PDE7B: variants seen among roughly 807,000 people sequenced by gnomAD.
PDE7B encodes 3',5'-cyclic-AMP phosphodiesterase 7B.
In PDE7B, 29 loss-of-function variants were observed where a neutral mutation model predicts 56.2. That is an observed-to-expected ratio of 0.52 (90% CI 0.38 to 0.70). The LOEUF is 0.70. Ranked by LOEUF, PDE7B falls within the 30% of genes least tolerant of loss-of-function variation. The pLI is 0.00. For missense variants in PDE7B, 490 were observed against 565.0 expected, an observed-to-expected ratio of 0.87 and a Z score of 1.35; for synonymous variants, 197 against 196.9, an observed-to-expected ratio of 1.00 and a Z score of 0.00.
Position 135,948,272 on chromosome 6 carries a change from G to A in PDE7B, c.82+748G>A, listed in dbSNP as rs1390845274. On this transcript the variant is annotated intron_variant, in intron 2 of 12. Coordinates refer to ENST00000308191, the MANE Select transcript of PDE7B (RefSeq NM_018945.4). Reference sequence around the variant, plus strand: ...CCACTAAACTATGTCCAATAAAGTTGCAATTCATTATAGTAATAGAAGTAA... The same window carrying A: ...CCACTAAACTATGTCCAATAAAGTTACAATTCATTATAGTAATAGAAGTAA... Among the ~76,000 whole-genome samples the A allele has an allele frequency of 7.2e-5, 11 of 152,020 alleles. No individual in the cohort carries two copies. The East Asian group carries it at 1.9e-3, about 27-fold the overall frequency.
At chr6:136,163,423 G>A (rs1025021361) in intron 8 of PDE7B, among the ~76,000 whole-genome samples, 1 of 152,216 alleles carries the variant, frequency 6.6e-6, no homozygotes, top group Non-Finnish European at 1.5e-5. Context: ...TCCCAAGGCT[G>A]CACAGAGCTG....
intron 3 of PDE7B, among the ~76,000 whole-genome samples, chr6:136,140,308 C>T (rs1186779276): frequency 6.6e-6 from 1 of 152,140 alleles, no homozygotes; most frequent in African/African-American, 2.4e-5. Flanking sequence ...TCTGAGGGCT[C>T]TGTTCTGTTC....
chr6:135,898,793 G>T (rs1775946191), intron 1 of PDE7B, among the ~76,000 whole-genome samples: 1 of 152,076 alleles, frequency 6.6e-6, no homozygotes, highest in Non-Finnish European at 1.5e-5. Flanking sequence ...GATAAATTTA[G>T]GGACAAATTA....
chr6:135,973,574 T>C (rs535158511), intron 2 of PDE7B, among the ~76,000 whole-genome samples: 142 of 152,302 alleles, frequency 9.3e-4, no homozygotes, highest in African/African-American at 3.3e-3. Flanking sequence ...CACCTCACCA[T>C]TGTGCCTTCC....
chr6:135,935,190 T>TTTTATATATATA (rs1436649469), intron 1 of PDE7B, among the ~76,000 whole-genome samples: 8 of 36,186 alleles, frequency 2.2e-4, no homozygotes, highest in South Asian at 1.0e-3. Flanking sequence ...ATATATTTAT[T>TTTTATATATATA]TATATATATA....
At chr6:135,869,530 T>C (rs1250075450) in intron 1 of PDE7B, among the ~76,000 whole-genome samples, 1 of 152,110 alleles carries the variant, frequency 6.6e-6, no homozygotes, top group African/African-American at 2.4e-5. Flanking sequence ...GTCTAGGGAC[T>C]GGAAATAAGT....
intron 2 of PDE7B, among the ~76,000 whole-genome samples, chr6:136,031,810 A>G (rs1204535532): frequency 6.6e-6 from 1 of 151,156 alleles, no homozygotes; most frequent in East Asian, 1.9e-4. Context: ...TGTCATTTAT[A>G]TAAAAAATCT....
chr6:136,067,006 C>T (rs915196258), intron 2 of PDE7B, among the ~76,000 whole-genome samples: 2 of 152,048 alleles, frequency 1.3e-5, no homozygotes, highest in Non-Finnish European at 2.9e-5. Flanking sequence ...CAGGTGTATG[C>T]GACCACACCC....
In PDE7B at chr6:136,191,037, T is replaced by TTTTTTTTTTA. The variant is rs1471563191; in HGVS notation, c.1127-577_1127-576insTTTTTTTTTA. Among the ~76,000 whole-genome samples, 62 of 143,178 alleles carry TTTTTTTTTTA rather than the reference T, an allele frequency of 4.3e-4. 1 individual carries two copies. Among genetic ancestry groups the TTTTTTTTTTA allele is most frequent in the African/African-American group, 1.7e-3 (59 of 34,842 alleles). 93.9% of individuals were successfully genotyped at this position (143,178 alleles called of 152,430 possible). A position where few individuals can be genotyped will look rare whatever the true frequency, so the allele number is the denominator to read the frequency against. Reference sequence around the variant, plus strand: ...ACTTTTTTTTTTTTTTTTTTTTTTTTACTTATATGTCTTTCTCCCTCTGCA... The same window carrying TTTTTTTTTTA: ...ACTTTTTTTTTTTTTTTTTTTTTTTTTTTTTTTTTAACTTATATGTCTTTCTCCCTCTGCA... On this transcript the variant is annotated intron_variant, in intron 12 of 12. Transcript: ENST00000308191.
chr6:135,859,971 T>C (rs928152616), intron 1 of PDE7B, among the ~76,000 whole-genome samples: 2 of 152,046 alleles, frequency 1.3e-5, no homozygotes, highest in Non-Finnish European at 2.9e-5. Flanking sequence ...ATTGAACTTG[T>C]AACCTAAAGC....
intron 2 of PDE7B, among the ~76,000 whole-genome samples, chr6:136,091,045 T>G (rs1188053235): frequency 6.6e-6 from 1 of 152,224 alleles, no homozygotes; most frequent in African/African-American, 2.4e-5. Flanking sequence ...AATATTTGCT[T>G]TCTGCCCTAT....
chr6:135,967,881 C>G (rs921500883), intron 2 of PDE7B, among the ~76,000 whole-genome samples: 4 of 152,292 alleles, frequency 2.6e-5, no homozygotes, highest in Admixed American at 6.5e-5. Context: ...GAAGGCCAAC[C>G]AAGACTGTGA....
intron 2 of PDE7B, chr6:136,064,396 T>A (rs1776898119): frequency 6.6e-6 from 1 of 152,210 alleles, no homozygotes; most frequent in Admixed American, 6.5e-5. Flanking sequence ...TCTCTGTTGG[T>A]GGCAAGTTCA....
intron 1 of PDE7B, among the ~76,000 whole-genome samples, chr6:135,899,740 T>C (rs920016739): frequency 1.3e-5 from 2 of 152,110 alleles, no homozygotes; most frequent in African/African-American, 4.8e-5. Flanking sequence ...TATGGTAGTC[T>C]TGGATTTCTC....
intron 1 of PDE7B, among the ~76,000 whole-genome samples, chr6:135,932,818 C>T (rs1774317753): frequency 6.6e-6 from 1 of 152,140 alleles, no homozygotes; most frequent in Non-Finnish European, 1.5e-5. Context: ...GAGACATGAG[C>T]TTGTAGGACA....
chr6:136,056,925 C>T (rs530750527), intron 2 of PDE7B, among the ~76,000 whole-genome samples: 2 of 152,234 alleles, frequency 1.3e-5, no homozygotes, highest in South Asian at 4.2e-4. Context: ...TAAGCCCCTC[C>T]CCTTTGGCCC....
At chr6:136,148,131 A>G (rs565930744) in intron 4 of PDE7B, among the ~76,000 whole-genome samples, 4 of 152,278 alleles carry the variant, frequency 2.6e-5, no homozygotes, top group African/African-American at 9.6e-5. Context: ...TTTAAACAGA[A>G]GTCGAAGATA....
In PDE7B at chr6:136,038,540, A is replaced by G. The variant is rs1309822978; in HGVS notation, c.83-70191A>G. ...CCGCAGCTTTCCAGGTAAATTGACC[A>G]TGGGGTGTAATAGGTCACAGGACCA... On this transcript the variant is annotated intron_variant, in intron 2 of 12. Transcript: ENST00000308191. 7 of 1,265,792 alleles carry G rather than the reference A, an allele frequency of 5.5e-6. No individual in the cohort carries two copies. In the South Asian group the frequency reaches 6.6e-5, roughly 12 times the overall value. 78.4% of individuals were successfully genotyped at this position (1,265,792 alleles called of 1,614,324 possible).
At chr6:135,968,152 T>A (rs908680322) in intron 2 of PDE7B, among the ~76,000 whole-genome samples, 5 of 152,240 alleles carry the variant, frequency 3.3e-5, no homozygotes, top group Admixed American at 2.0e-4. Flanking sequence ...ATGCAAAAAT[T>A]AACTCAAGAT....
Sources: allele counts gnomAD v4.1 joint callset (sites outside exome capture counted in the v4.1 genomes callset), GRCh38; gene constraint gnomAD v4.1.1; transcripts MANE v1.5; gene names NCBI Gene and HGNC (gene_info 2026-07-23, HGNC 2026-07-21).